The following KCNN2 variants were observed in gnomAD, a reference collection of about 807,000 sequenced individuals.
The protein encoded by KCNN2 is potassium calcium-activated channel subfamily N member 2.
A neutral mutation model predicts 55.5 loss-of-function variants in KCNN2; 24 were observed. The observed-to-expected ratio is 0.43, with a 90% CI of 0.31 to 0.61. KCNN2 has a LOEUF of 0.61. KCNN2 is among the 20% of genes least tolerant of loss of function. KCNN2 has a pLI of 0.08. For missense variants in KCNN2, 754 were observed against 853.6 expected (o/e 0.88, Z 1.45); for synonymous variants, 431 against 336.1 (o/e 1.28, Z -3.09).
At chr5:114,182,165 C>G (rs1194058210) in intron 1 of KCNN2, among the ~76,000 whole-genome samples, 2 of 151,972 alleles carry the variant, frequency 1.3e-5, no homozygotes, top group African/African-American at 4.8e-5. Flanking sequence ...ACTCAAATGA[C>G]TTTAGAATTA....
intron 1 of KCNN2, among the ~76,000 whole-genome samples, chr5:114,134,453 A>G (rs1195070630): frequency 7.7e-6 from 1 of 129,890 alleles, no homozygotes; most frequent in Non-Finnish European, 1.6e-5. Context: ...TTGCAATCCA[A>G]CCATGATTTA....
intron 2 of KCNN2, among the ~76,000 whole-genome samples, chr5:114,326,829 T>C (rs1756724028): frequency 6.6e-6 from 1 of 152,242 alleles, no homozygotes; most frequent in Non-Finnish European, 1.5e-5. Context: ...AATATAGCTA[T>C]AGCAGCCATT....
At chr5:114,337,265 T>C (rs1038245097) in intron 2 of KCNN2, among the ~76,000 whole-genome samples, 4 of 152,082 alleles carry the variant, frequency 2.6e-5, no homozygotes, top group African/African-American at 4.8e-5. Flanking sequence ...TAAATAGACA[T>C]AGAAAATTTA....
chr5:114,434,657 A>G (rs906601268), intron 3 of KCNN2, among the ~76,000 whole-genome samples: 2 of 152,200 alleles, frequency 1.3e-5, no homozygotes, highest in African/African-American at 4.8e-5. Flanking sequence ...GAAAGGAGCC[A>G]TTCTGTAGTC....
intron 1 of KCNN2, among the ~76,000 whole-genome samples, chr5:114,186,366 G>A (rs1002975066): frequency 1.3e-5 from 2 of 152,064 alleles, no homozygotes; most frequent in Non-Finnish European, 2.9e-5. Flanking sequence ...TAAAAAGCTG[G>A]GAAAAGGTCC....
At chr5:114,284,012 G>C (rs76475018) in intron 2 of KCNN2, among the ~76,000 whole-genome samples, 9 of 152,296 alleles carry the variant, frequency 5.9e-5, no homozygotes, top group East Asian at 5.8e-4. Flanking sequence ...ATGACATCCA[G>C]GAAGAGGGGA....
At chr5:114,160,163 A>G (rs576697008) in intron 1 of KCNN2, among the ~76,000 whole-genome samples, 5 of 152,182 alleles carry the variant, frequency 3.3e-5, no homozygotes, top group African/African-American at 1.2e-4. Context: ...TTCCCTCTAC[A>G]TACTGCTTAG....
chr5:114,249,779 A>G (rs1006685422), intron 2 of KCNN2, among the ~76,000 whole-genome samples: 2 of 150,306 alleles, frequency 1.3e-5, no homozygotes, highest in East Asian at 3.9e-4. Context: ...GCAGCATTTT[A>G]TTTTGTTTTT....
chr5:114,188,504 T>C (rs1028014469), intron 1 of KCNN2, among the ~76,000 whole-genome samples: 4 of 152,082 alleles, frequency 2.6e-5, no homozygotes, highest in Admixed American at 6.5e-5. Context: ...TGAAAATACG[T>C]AAGATATTTT....
At chr5:114,207,919 G>A (rs1244723756) in intron 1 of KCNN2, among the ~76,000 whole-genome samples, 2 of 152,128 alleles carry the variant, frequency 1.3e-5, no homozygotes, top group African/African-American at 2.4e-5. Flanking sequence ...TCCCATCTCC[G>A]TCACAGTGAC....
At chr5:114,174,376 G>C (rs1236798615) in intron 1 of KCNN2, among the ~76,000 whole-genome samples, 1 of 152,106 alleles carries the variant, frequency 6.6e-6, no homozygotes, top group Non-Finnish European at 1.5e-5. Context: ...ACTGCAGATG[G>C]ATAATGGTTG....
At chr5:114,462,147 G>T (rs992716711) in intron 3 of KCNN2, among the ~76,000 whole-genome samples, 3 of 152,140 alleles carry the variant, frequency 2.0e-5, no homozygotes, top group African/African-American at 7.2e-5. Context: ...AACTCTGATG[G>T]CCTTGCTGTT....
intron 1 of KCNN2, among the ~76,000 whole-genome samples, chr5:114,163,353 A>C (rs930383213): frequency 3.9e-5 from 6 of 152,142 alleles, no homozygotes; most frequent in Non-Finnish European, 5.9e-5. Context: ...GAGAAAGGGC[A>C]TCCTTGTGGC....
intron 1 of KCNN2, among the ~76,000 whole-genome samples, chr5:114,182,198 A>G (rs1753253920): frequency 6.6e-6 from 1 of 151,556 alleles, no homozygotes; most frequent in African/African-American, 2.4e-5. Context: ...TGAGTTCTCT[A>G]CTTTGATCTA....
At position 114,231,614 on chromosome 5, in the gene KCNN2, A is replaced by G. The variant is rs1357333289; in HGVS notation, c.-185+10049A>G. On this transcript the variant is annotated intron_variant, in intron 2 of 10. Coordinates refer to the KCNN2 transcript ENST00000512097. The stretch of plus-strand genomic sequence containing the variant: ...GTGATCATTTATGCTGATAGTGATC[A>G]CCATGGCCACATTTACTTATCTTTT... Among the ~76,000 whole-genome samples the G allele has an allele frequency of 2.0e-5, 3 of 151,146 alleles. No individual in the cohort carries two copies. The East Asian group carries it at 5.8e-4, about 29-fold the overall frequency.
At chr5:114,063,483 G>A (rs578250138) in intron 1 of KCNN2, among the ~76,000 whole-genome samples, 1 of 152,226 alleles carries the variant, frequency 6.6e-6, no homozygotes, top group East Asian at 1.9e-4. Context: ...TTCTGACTCA[G>A]TGTCTAGAGA....
At chr5:114,472,767 A>C (rs879597109) in intron 4 of KCNN2, among the ~76,000 whole-genome samples, 21 of 152,156 alleles carry the variant, frequency 1.4e-4, no homozygotes, top group Non-Finnish European at 2.2e-4. Flanking sequence ...CTGTTTTTTA[A>C]AAAGTCTCCA....
intron 2 of KCNN2, among the ~76,000 whole-genome samples, chr5:114,401,247 A>G (rs1758779594): frequency 6.6e-6 from 1 of 152,238 alleles, no homozygotes; most frequent in Admixed American, 6.5e-5. Context: ...GATAGTAAAA[A>G]AACAACTATG....
At chr5:114,160,518 G>A (rs1371457232) in intron 1 of KCNN2, among the ~76,000 whole-genome samples, 1 of 152,070 alleles carries the variant, frequency 6.6e-6, no homozygotes, top group Non-Finnish European at 1.5e-5. Context: ...TGTCTATTAG[G>A]TCCACTTGGT....
Sources: allele counts gnomAD v4.1 joint callset (sites outside exome capture counted in the v4.1 genomes callset), GRCh38; gene constraint gnomAD v4.1.1; transcripts MANE v1.5; gene names NCBI Gene and HGNC (gene_info 2026-07-23, HGNC 2026-07-21).